KDM5D: variants seen among roughly 807,000 people sequenced by gnomAD.
KDM5D encodes the protein lysine demethylase 5D.
In KDM5D, 25 loss-of-function variants were observed where a neutral mutation model predicts 31.9. That is an observed-to-expected ratio of 0.78 (90% CI 0.57 to 1.09). KDM5D has a LOEUF of 1.09. Ranked by LOEUF, KDM5D falls within the 50% of genes least tolerant of loss-of-function variation. The pLI is 0.00. For missense variants in KDM5D, 366 were observed against 341.6 expected (o/e 1.07, Z -0.56); for synonymous variants, 146 against 122.3 (o/e 1.19, Z -1.28).
At chrY:19,743,467 CG>C (rs2045573100) in intron 2 of KDM5D, among the ~76,000 whole-genome samples, 1 of 19,650 alleles carries the variant, frequency 5.1e-5, no homozygotes, top group African/African-American at 2.0e-4. Flanking sequence ...TCGTAACAGA[CG>C]AAAAAAAAAA....
intron 13 of KDM5D, among the ~76,000 whole-genome samples, chrY:19,717,519 G>GAGAGAA (rs2045358297): frequency 3.0e-5 from 1 of 32,845 alleles, no homozygotes; most frequent in Non-Finnish European, 7.5e-5. Context: ...GAGAGAGAGA[G>GAGAGAA]AGAGAAAGAG....
chrY:19,735,865 CA>C, intron 6 of KDM5D, 115 bp from the exon 7 acceptor site: 1 of 158,536 alleles, frequency 6.3e-6, no homozygotes, highest in South Asian at 6.1e-5. Flanking sequence ...ATCCTTTATC[CA>C]TTTTTGAATG....
chrY:19,723,982 T>C (rs2045412257), intron 11 of KDM5D, among the ~76,000 whole-genome samples: 12 of 33,702 alleles, frequency 3.6e-4, no homozygotes, highest in Admixed American at 3.2e-3. Flanking sequence ...CCATTAAAAA[T>C]GGGCAAAGGA....
At chrY:19,709,365 C>T in intron 20 of KDM5D, 86 bp downstream of exon 20, 1 of 336,734 alleles carries the variant, frequency 3.0e-6, no homozygotes, top group Non-Finnish European at 4.2e-6. Flanking sequence ...GTCTGTTGCC[C>T]AAGGGTCACC....
intron 2 of KDM5D, among the ~76,000 whole-genome samples, chrY:19,744,070 G>A: frequency 8.8e-5 from 3 of 33,901 alleles, no homozygotes; most frequent in Non-Finnish European, 1.5e-4. Flanking sequence ...GTACTTCTGA[G>A]TAAGCTATTT....
intron 19 of KDM5D, 72 bp downstream of exon 19, chrY:19,710,304 T>G (rs1262382020): frequency 2.8e-6 from 1 of 360,121 alleles, no homozygotes; most frequent in Admixed American, 8.8e-5. Flanking sequence ...GGTTCTCAAG[T>G]TTTCCTGACA....
chrY:19,729,648 T>C (rs748288490), intron 11 of KDM5D, among the ~76,000 whole-genome samples: 1 of 33,857 alleles, frequency 3.0e-5, no homozygotes, highest in Non-Finnish European at 7.4e-5. Context: ...ATATTCTGCA[T>C]ATACTCAAAT....
Position 19,739,637 on chromosome Y carries a change from T to C in KDM5D, c.548A>G (p.Asn183Ser), listed in dbSNP as rs1164578875. The C allele has an allele frequency of 2.5e-6, 1 of 394,551 alleles. No homozygotes were observed. Among genetic ancestry groups the C allele is most frequent in the Non-Finnish European group, 3.6e-6 (1 of 280,233 alleles). ...HVQCNTHPFD[N>S]EVKDKEYKPH... ...CTTGTATTCCTTATCTTTTACCTCA[T>C]TGTCAAACGGGTGTGTGTTACATTG... The change falls in exon 6 of 27, where the codon AAT (asparagine) becomes AGT (serine). Residue 183 changes from asparagine (N) to serine (S), a missense_variant. Coordinates refer to ENST00000317961, the MANE Select transcript of KDM5D (RefSeq NM_004653.5).
At chrY:19,710,754 C>T in intron 18 of KDM5D, 2 of 95,672 alleles carry the variant, frequency 2.1e-5, no homozygotes, top group African/African-American at 2.0e-4. Flanking sequence ...CACGGTACTA[C>T]CTGGCTAGTA....
intron 18 of KDM5D, among the ~76,000 whole-genome samples, chrY:19,713,267 G>A (rs760511646): frequency 3.0e-5 from 1 of 33,812 alleles, no homozygotes; most frequent in South Asian, 6.6e-4. Flanking sequence ...CAATGGAGAC[G>A]CCAAAAGCAA....
chrY:19,724,567 CA>C (rs2124198668), intron 11 of KDM5D, among the ~76,000 whole-genome samples: 1 of 33,262 alleles, frequency 3.0e-5, no homozygotes, highest in Admixed American at 2.8e-4. Flanking sequence ...AACATTATCT[CA>C]AAATAATAAC....
chrY:19,713,017 G>A, intron 18 of KDM5D, among the ~76,000 whole-genome samples: 1 of 33,623 alleles, frequency 3.0e-5, no homozygotes, highest in African/African-American at 1.2e-4. Context: ...ATGAGGATGC[G>A]TACCTACAAC....
At position 19,706,870 on chromosome Y, in the gene KDM5D, G is replaced by GA; in HGVS notation, c.4000-8dup. On this transcript the variant is annotated splice_region_variant and splice_polypyrimidine_tract_variant and intron_variant, in intron 24 of 26. Coordinates refer to ENST00000317961, the MANE Select transcript of KDM5D (RefSeq NM_004653.5). ...TCTCCAGCAGCCCTTGGACCTATCG[G>GA]AAAAAAAGAATGGGTAACAATAATT... is the stretch of plus-strand genomic sequence containing the variant. The GA allele has an allele frequency of 2.6e-6, 1 of 388,159 alleles. No individual in the cohort carries two copies. Among genetic ancestry groups the GA allele is most frequent in the South Asian group, 3.0e-5 (1 of 33,392 alleles).
chrY:19,736,688 A>G (rs1016403882), intron 6 of KDM5D, among the ~76,000 whole-genome samples: 5 of 32,894 alleles, frequency 1.5e-4, no homozygotes, highest in Admixed American at 1.1e-3. Context: ...TGGTTTTGAC[A>G]TTTCTGGGGT....
chrY:19,718,501 A>C, intron 13 of KDM5D, among the ~76,000 whole-genome samples: 2 of 34,508 alleles, frequency 5.8e-5, no homozygotes, highest in Admixed American at 5.2e-4. Context: ...AATTCATAGA[A>C]ACAGAAAGTA....
chrY:19,726,183 A>G (rs2045430681), intron 11 of KDM5D, among the ~76,000 whole-genome samples: 1 of 33,631 alleles, frequency 3.0e-5, no homozygotes, highest in Non-Finnish European at 7.4e-5. Context: ...TTGACCCAGC[A>G]ATCCCATTAC....
chrY:19,714,678 G>A (rs2045321663), intron 18 of KDM5D, among the ~76,000 whole-genome samples: 1 of 33,898 alleles, frequency 3.0e-5, no homozygotes, highest in Admixed American at 2.7e-4. Context: ...ACACAGCCTA[G>A]GTGTGTAGGA....
intron 18 of KDM5D, among the ~76,000 whole-genome samples, chrY:19,713,018 T>C: frequency 3.0e-5 from 1 of 33,662 alleles, no homozygotes; most frequent in Non-Finnish European, 7.4e-5. Flanking sequence ...TGAGGATGCG[T>C]ACCTACAACC....
intron 24 of KDM5D, 22 bp from the exon 25 acceptor site, chrY:19,706,885 T>C: frequency 2.7e-6 from 1 of 371,146 alleles, no homozygotes; most frequent in Middle Eastern, 6.1e-4. Flanking sequence ...AAAGAATGGG[T>C]AACAATAATT....
Sources: allele counts gnomAD v4.1 joint callset (sites outside exome capture counted in the v4.1 genomes callset), GRCh38; gene constraint gnomAD v4.1.1; transcripts MANE v1.5; gene names NCBI Gene and HGNC (gene_info 2026-07-23, HGNC 2026-07-21).